DCP2: variants seen among roughly 807,000 people sequenced by gnomAD.
The protein encoded by DCP2 is decapping mRNA 2, also known as m7GpppN-mRNA hydrolase.
DCP2 carries 30 observed loss-of-function variants against 56.1 expected under a neutral mutation model. That is an observed-to-expected ratio of 0.53 (90% CI 0.40 to 0.73). The LOEUF (loss-of-function observed/expected upper bound fraction) is 0.73. Ranked by LOEUF, DCP2 falls within the 30% of genes least tolerant of loss-of-function variation. DCP2 has a pLI of 0.00. For missense variants in DCP2, 533 were observed against 502.7 expected (o/e 1.06, Z -0.58); for synonymous variants, 197 against 163.3 (o/e 1.21, Z -1.57).
chr5:112,986,244 G>C (rs958976792), intron 2 of DCP2, among the ~76,000 whole-genome samples: 1 of 151,974 alleles, frequency 6.6e-6, no homozygotes, highest in Non-Finnish European at 1.5e-5. Context: ...CCCATGCATA[G>C]CTAGCCTGTT....
chr5:112,976,883 T>C lies in DCP2; in HGVS notation c.-51T>C, dbSNP rs61737668. On this transcript the variant is annotated 5_prime_UTR_variant, in exon 1 of 11. Transcript: ENST00000389063. ...CGGAGTCCTAGTGCCGTACCGTCAG[T>C]CCCCGGCCGCGCGGAGCCGGGATGC... 5.7e-3 allele frequency: 9,084 copies of C among 1,592,080 alleles called. 292 individuals carry two copies. In the African/African-American group the frequency reaches 0.07, roughly 12 times the overall value.
Position 113,015,777 on chromosome 5 carries a change from C to T in DCP2, c.*2293C>T, listed in dbSNP as rs1245521788. The T allele has an allele frequency of 2.6e-5, 4 of 152,604 alleles. No homozygotes were observed. Among genetic ancestry groups the T allele is most frequent in the African/African-American group, 9.7e-5 (4 of 41,440 alleles). The allele number at this position is 152,604 out of a possible 1,614,324, so 9.5% of individuals were successfully genotyped here. ...TAGGTACATCTACTATACTTATTCT[C>T]TCAAACCTGGGTAATAGTTTCTCAG... On this transcript the variant is annotated 3_prime_UTR_variant, in exon 11 of 11. Coordinates refer to ENST00000389063, the MANE Select transcript of DCP2 (RefSeq NM_152624.6).
chr5:112,982,074 G>A (rs1425128351), intron 1 of DCP2, among the ~76,000 whole-genome samples: 1 of 152,080 alleles, frequency 6.6e-6, no homozygotes, highest in Non-Finnish European at 1.5e-5. Context: ...GGCCCCTTCT[G>A]GCTATTCTTG....
Position 113,019,878 on chromosome 5 carries a change from ATTT to A in DCP2, c.*6397_*6399del, listed in dbSNP as rs1750033608. Reference sequence around the variant, plus strand: ...ACGGAATTACAGTTCATGCATTAGCATTTTTAAGTGAAGTTCTCTTAATAAGAT... The same window carrying A: ...ACGGAATTACAGTTCATGCATTAGCATTAAGTGAAGTTCTCTTAATAAGAT... On this transcript the variant is annotated 3_prime_UTR_variant, in exon 11 of 11. Coordinates refer to ENST00000389063, the MANE Select transcript of DCP2 (RefSeq NM_152624.6). 1 of 152,240 alleles carries A rather than the reference ATTT, an allele frequency of 6.6e-6. No homozygotes were observed. Among genetic ancestry groups the A allele is most frequent in the South Asian group, 2.1e-4 (1 of 4,838 alleles). The allele number at this position is 152,240 out of a possible 1,614,324, so 9.4% of individuals were successfully genotyped here.
intron 1 of DCP2, among the ~76,000 whole-genome samples, chr5:112,977,402 A>AC (rs945096136): frequency 2.6e-5 from 4 of 151,852 alleles, no homozygotes; most frequent in South Asian, 2.1e-4. Flanking sequence ...CTGAAGGAAG[A>AC]CCCCCAGGGT....
chr5:112,980,136 C>G (rs879155967), intron 1 of DCP2, among the ~76,000 whole-genome samples: 1 of 152,092 alleles, frequency 6.6e-6, no homozygotes, highest in African/African-American at 2.4e-5. Flanking sequence ...GATATTAAAA[C>G]TCAAATACAG....
chr5:112,994,257 G>A (rs1007790072), intron 4 of DCP2, among the ~76,000 whole-genome samples: 3 of 142,546 alleles, frequency 2.1e-5, no homozygotes, highest in Non-Finnish European at 3.0e-5. Flanking sequence ...CTGCAGCCTC[G>A]ACCGCCTGGG....
At chr5:112,978,749 A>G (rs930613453) in intron 1 of DCP2, among the ~76,000 whole-genome samples, 1 of 151,668 alleles carries the variant, frequency 6.6e-6, no homozygotes, top group Non-Finnish European at 1.5e-5. Flanking sequence ...CTAGACGCAC[A>G]TCAACCAATA....
chr5:113,006,919 G>C (rs760355769), intron 8 of DCP2, among the ~76,000 whole-genome samples: 7 of 152,114 alleles, frequency 4.6e-5, no homozygotes, highest in African/African-American at 1.4e-4. Flanking sequence ...GATCACTTGA[G>C]GTCAGGAGTT....
intron 1 of DCP2, chr5:112,984,695 A>ATATATATAT (rs1332407058): frequency 1.3e-4 from 10 of 75,742 alleles, no homozygotes; most frequent in South Asian, 3.6e-4. Flanking sequence ...TTAAAAAAAA[A>ATATATATAT]AAAAAAAAAT....
intron 1 of DCP2, among the ~76,000 whole-genome samples, chr5:112,977,642 C>G (rs182346882): frequency 6.6e-6 from 1 of 152,118 alleles, no homozygotes; most frequent in Non-Finnish European, 1.5e-5. Flanking sequence ...AATTCTCAAC[C>G]GCGGGGTTTT....
At chr5:112,989,743 G>T (rs181650761) in intron 2 of DCP2, among the ~76,000 whole-genome samples, 1 of 152,212 alleles carries the variant, frequency 6.6e-6, no homozygotes, top group East Asian at 1.9e-4. Context: ...TTATTTCTCC[G>T]TATAGGGGTA....
At chr5:113,004,807 ACT>A (rs1749335930) in intron 8 of DCP2, among the ~76,000 whole-genome samples, 1 of 148,956 alleles carries the variant, frequency 6.7e-6, no homozygotes, top group East Asian at 1.9e-4. Context: ...TTTCAATGTT[ACT>A]TTTTTTTTTT....
rs2150185971 is a variant in DCP2 at position 113,004,015 on chromosome 5, C to A, written c.880C>A (p.Gln294Lys). 6.2e-7 allele frequency: 1 copy of A among 1,614,100 alleles called. No homozygotes were observed. Among genetic ancestry groups the A allele is most frequent in the African/African-American group, 1.3e-5 (1 of 75,046 alleles). ...SPGDQWVKHR[Q>K]PLQQKPYNNH... is the part of the protein sequence containing the mutation. ...TGGTGACCAGTGGGTAAAGCACAGG[C>A]AACCACTGCAGCAAAAGCCATATAA... Residue 294 changes from glutamine (Q) to lysine (K), a missense_variant, in exon 8 of 11, where the codon CAA (glutamine) becomes AAA (lysine). By Grantham distance (53) the Gln-to-Lys change is moderately conservative (BLOSUM62 1). This residue lies in a region of DCP2 where 392 missense variants were observed against 346.6 expected (regional missense o/e 1.13). Transcript: ENST00000389063.
rs1270406454 is a variant in DCP2, at chr5:113,020,217, T to G, written c.*6733T>G. On this transcript the variant is annotated 3_prime_UTR_variant, in exon 11 of 11. Coordinates refer to ENST00000389063, the MANE Select transcript of DCP2 (RefSeq NM_152624.6). ...TATGGTCAATGAAAAAACCAGACTT[T>G]AGAGTAAATGTGATAACCAAGTAGA... 6.6e-6 allele frequency: 1 copy of G among 152,218 alleles called. No individual in the cohort carries two copies. Among genetic ancestry groups the G allele is most frequent in the Non-Finnish European group, 1.5e-5 (1 of 68,032 alleles). The allele number at this position is 152,218 out of a possible 1,614,324, so 9.4% of individuals were successfully genotyped here.
intron 2 of DCP2, among the ~76,000 whole-genome samples, chr5:112,989,200 A>T (rs775693445): frequency 1.2e-4 from 19 of 152,190 alleles, no homozygotes; most frequent in Non-Finnish European, 2.2e-4. Context: ...AGGGATACCC[A>T]CTTACGATTT....
intron 7 of DCP2, 125 bp downstream of exon 7, chr5:113,001,799 T>C (rs1561698994): frequency 2.8e-5 from 24 of 849,998 alleles, no homozygotes; most frequent in Non-Finnish European, 1.8e-6. Flanking sequence ...TTGTTACTGG[T>C]CTCACAGATA....
At chr5:113,013,120 AAAT>A (rs763222899) in intron 10 of DCP2, among the ~76,000 whole-genome samples, 198 bp from the exon 11 acceptor site, 1 of 152,208 alleles carries the variant, frequency 6.6e-6, no homozygotes, top group Admixed American at 6.5e-5. Flanking sequence ...GAATATGTGG[AAAT>A]AATAATAGAT....
chr5:113,001,513 G>A, intron 6 of DCP2, 44 bp downstream of exon 6: 1 of 1,605,546 alleles, frequency 6.2e-7, no homozygotes, highest in Non-Finnish European at 8.5e-7. Context: ...GATTGGGATA[G>A]TCATCTTCTG....
Sources: allele counts gnomAD v4.1 joint callset (sites outside exome capture counted in the v4.1 genomes callset), GRCh38; gene constraint gnomAD v4.1.1; regional missense constraint gnomAD v4.1.1; transcripts MANE v1.5; gene names NCBI Gene and HGNC (gene_info 2026-07-23, HGNC 2026-07-21).